SYNPO2L: variants seen among roughly 807,000 people sequenced by gnomAD.
SYNPO2L encodes synaptopodin 2-like protein.
SYNPO2L carries 34 observed loss-of-function variants against 47.5 expected under a neutral mutation model. The observed-to-expected ratio is 0.72, with a 90% CI of 0.54 to 0.95. The LOEUF is 0.95. Among genes scored for constraint, SYNPO2L ranks in the 40% least tolerant of loss-of-function variants. The pLI, the probability that SYNPO2L is intolerant of heterozygous loss-of-function variation, is 0.00. For synonymous variants in SYNPO2L, 536 were observed against 524.9 expected (o/e 1.02, Z -0.29); for missense variants, 1,246 against 1,282.0 (o/e 0.97, Z 0.43).
In SYNPO2L at chr10:73,646,633, C is replaced by T. The variant is rs376406191; in HGVS notation, c.*85G>A. 5.9e-6 allele frequency: 8 copies of T among 1,350,800 alleles called. No homozygotes were observed. Among genetic ancestry groups the T allele is most frequent in the Non-Finnish European group, 6.7e-6 (7 of 1,044,434 alleles). The allele number at this position is 1,350,800 out of a possible 1,614,324, so 83.7% of individuals were successfully genotyped here. A position where few individuals can be genotyped will look rare whatever the true frequency, so the allele number is the denominator to read the frequency against. On this transcript the variant is annotated 3_prime_UTR_variant, in exon 4 of 4. Coordinates refer to ENST00000394810, the MANE Select transcript of SYNPO2L (RefSeq NM_001114133.3). Reference sequence around the variant, plus strand: ...CAGGAGGCAATTTAGCTTCCAGATGCGTGACAGGGGATGGGATAGGGTAGG... The same window carrying T: ...CAGGAGGCAATTTAGCTTCCAGATGTGTGACAGGGGATGGGATAGGGTAGG...
In SYNPO2L at chr10:73,655,855, C is replaced by G. The variant is rs750893658; in HGVS notation, c.68G>C (p.Gly23Ala). Residue 23 changes from glycine to alanine, a missense_variant, in exon 1 of 4, where the codon GGG (glycine) becomes GCG (alanine). By Grantham distance (60) the Gly-to-Ala change is moderately conservative. This residue lies in a region of SYNPO2L where 61 missense variants were observed against 55.6 expected (regional missense o/e 1.10). Coordinates refer to ENST00000394810, the MANE Select transcript of SYNPO2L (RefSeq NM_001114133.3). ...GGAPWGFRLH[G>A]GAEQRKPLQV... is the part of the protein sequence containing the mutation. The stretch of plus-strand genomic sequence containing the variant: ...TAACGGTTTCCTCTGCTCGGCCCCC[C>G]CATGAAGTCGGAAGCCCCAGGGGGC... 1.9e-6 allele frequency: 3 copies of G among 1,551,320 alleles called. No homozygotes were observed. Among genetic ancestry groups the G allele is most frequent in the East Asian group, 2.4e-5 (1 of 40,886 alleles).
At chr10:73,650,640 A>C (rs1195912230) in intron 3 of SYNPO2L, 18 of 936,272 alleles carry the variant, frequency 1.9e-5, no homozygotes, top group Non-Finnish European at 2.2e-5. Context: ...CATGACTCAC[A>C]CATACATGCC....
chr10:73,649,743 A>G, intron 3 of SYNPO2L: 1 of 985,390 alleles, frequency 1.0e-6, no homozygotes, highest in South Asian at 4.7e-5. Context: ...TTTAGACAGA[A>G]GTTAAAGTTG....
At position 73,645,758 on chromosome 10, in the gene SYNPO2L, A is replaced by C. The variant is rs374112958; in HGVS notation, c.*960T>G. ...ATTCTCTAGTGAATCTCTTTCTCCC[A>C]CTCAACTCCATGTGGGGATATCTGA... On this transcript the variant is annotated 3_prime_UTR_variant, in exon 4 of 4. Coordinates refer to ENST00000394810, the MANE Select transcript of SYNPO2L (RefSeq NM_001114133.3). The C allele has an allele frequency of 7.1e-6, 7 of 985,560 alleles. No homozygotes were observed. The African/African-American group carries it at 8.7e-5, about 12-fold the overall frequency. 61.1% of individuals were successfully genotyped at this position (985,560 alleles called of 1,614,324 possible). A position where few individuals can be genotyped will look rare whatever the true frequency, so the allele number is the denominator to read the frequency against.
chr10:73,650,842 C>T, intron 3 of SYNPO2L: 1 of 1,477,700 alleles, frequency 6.8e-7, no homozygotes, highest in Non-Finnish European at 9.0e-7. Flanking sequence ...ACTACCCTTC[C>T]TAAACTATTG....
Position 73,646,620 on chromosome 10 carries a change from T to C in SYNPO2L, c.*98A>G, listed in dbSNP as rs867419711. On this transcript the variant is annotated 3_prime_UTR_variant, in exon 4 of 4. Transcript: ENST00000394810. Reference sequence around the variant, plus strand: ...AAACCATCTCTGGCAGGAGGCAATTTAGCTTCCAGATGCGTGACAGGGGAT... The same window carrying C: ...AAACCATCTCTGGCAGGAGGCAATTCAGCTTCCAGATGCGTGACAGGGGAT... The C allele has an allele frequency of 3.0e-6, 4 of 1,344,956 alleles. No homozygotes were observed. The South Asian group carries it at 8.4e-5, about 28-fold the overall frequency. 83.3% of individuals were successfully genotyped at this position (1,344,956 alleles called of 1,614,324 possible).
intron 3 of SYNPO2L, chr10:73,650,099 C>T (rs1011773086): frequency 1.7e-5 from 17 of 985,366 alleles, no homozygotes; most frequent in Non-Finnish European, 1.9e-5. Flanking sequence ...AATGGGAGGG[C>T]TACCCTGCTG....
At chr10:73,649,358 G>A (rs1015286705) in intron 3 of SYNPO2L, among the ~76,000 whole-genome samples, 7 of 152,050 alleles carry the variant, frequency 4.6e-5, no homozygotes, top group African/African-American at 1.7e-4. Flanking sequence ...TGAAGCTTAG[G>A]ACTCATCCTC....
Position 73,647,274 on chromosome 10 carries a change from G to C in SYNPO2L, c.2378C>G (p.Pro793Arg). Reference protein sequence around the residue: ...GPRPRSPSPTPSLPPSWKYSP... With the variant: ...GPRPRSPSPTRSLPPSWKYSP... ...ATATTTCCAGGAAGGGGGCAGAGAC[G>C]GGGTAGGAGAAGGACTTCTAGGCCG... The change falls in exon 4 of 4, where the codon CCG (proline) becomes CGG (arginine). Residue 793 changes from proline (P) to arginine (R), a missense_variant. Around this residue, in one of 3 missense-constraint regions of SYNPO2L, gnomAD observed 1,037 missense variants for 1,021.5 expected, o/e 1.02. Coordinates refer to ENST00000394810, the MANE Select transcript of SYNPO2L (RefSeq NM_001114133.3). The C allele has an allele frequency of 1.9e-6, 3 of 1,614,074 alleles. No individual in the cohort carries two copies. The highest frequency in any genetic ancestry group is 2.2e-5 in the South Asian group (2 of 91,080).
rs1589452161 is a variant in SYNPO2L, at chr10:73,648,027, C to G, written c.1625G>C (p.Gly542Ala). The G allele has an allele frequency of 6.3e-7, 1 of 1,589,130 alleles. No individual in the cohort carries two copies. Among genetic ancestry groups the G allele is most frequent in the Non-Finnish European group, 8.6e-7 (1 of 1,168,434 alleles). ...CAGGGAGCTGGTGGCTGTCACAGGG[C>G]CCGAGGAGCGTGGGGTGCTGGGGGA... is the stretch of plus-strand genomic sequence containing the variant. ...SGSPSTPRSS[G>A]PVTATSSLYI... Residue 542 changes from glycine (G) to alanine (A), a missense_variant, in exon 4 of 4, where the codon GGC (glycine) becomes GCC (alanine). Around this residue, in one of 3 missense-constraint regions of SYNPO2L, gnomAD observed 1,037 missense variants for 1,021.5 expected, o/e 1.02. Transcript: ENST00000394810.
At position 73,655,995 on chromosome 10, in the gene SYNPO2L, G is replaced by T; in HGVS notation, c.-73C>A. 1 of 1,319,356 alleles carries T rather than the reference G, an allele frequency of 7.6e-7. No homozygotes were observed. Among genetic ancestry groups the T allele is most frequent in the Non-Finnish European group, 1.0e-6 (1 of 964,950 alleles). 81.7% of individuals were successfully genotyped at this position (1,319,356 alleles called of 1,614,324 possible). On this transcript the variant is annotated 5_prime_UTR_variant, in exon 1 of 4. Transcript: ENST00000394810. ...AGAGAAGTTGAGGTGCTCGAACCCC[G>T]TCTGGGCTTCCTGTCCGGCTGTCCT... is the stretch of plus-strand genomic sequence containing the variant.
In SYNPO2L at chr10:73,648,676, C is replaced by G. The variant is rs747524519; in HGVS notation, c.976G>C (p.Gly326Arg). The stretch of plus-strand genomic sequence containing the variant: ...TCGGACTCACTCGTGGGGGGAACGC[C>G]GTCCTCCTCCTCAGCGCCTGTCCCA... ...AAGTGAEEED[G>R]VPPTSESELD... The change falls in exon 4 of 4, where the codon GGC becomes CGC. Residue 326 changes from glycine to arginine, a missense_variant. By Grantham distance (125) the Gly-to-Arg change is moderately radical. Coordinates refer to ENST00000394810, the MANE Select transcript of SYNPO2L (RefSeq NM_001114133.3). 6.2e-7 allele frequency: 1 copy of G among 1,610,014 alleles called. No homozygotes were observed. Among genetic ancestry groups the G allele is most frequent in the Admixed American group, 1.7e-5 (1 of 59,926 alleles).
At chr10:73,650,792 G>T (rs892923743) in intron 3 of SYNPO2L, 37 of 1,357,134 alleles carry the variant, frequency 2.7e-5, no homozygotes, top group Non-Finnish European at 3.5e-5. Flanking sequence ...GGAGGAAGAG[G>T]ACAGCAAAAA....
rs778780364 is a variant in SYNPO2L, at chr10:73,647,448, A to G, written c.2204T>C (p.Leu735Pro). Reference sequence around the variant, plus strand: ...GGCTGCCCCATTCACGAGCCCATCAAGGAGCCCTCGAGATGGGGGCTTAGG... The same window carrying G: ...GGCTGCCCCATTCACGAGCCCATCAGGGAGCCCTCGAGATGGGGGCTTAGG... The part of the protein sequence containing the change: ...VAPKPPSRGL[L>P]DGLVNGAASS... Residue 735 changes from leucine (L) to proline (P), a missense_variant, in exon 4 of 4, where the codon CTT becomes CCT. Physicochemically the swap from Leu to Pro is moderately conservative, Grantham distance 98 (BLOSUM62 -3). This residue lies in a region of SYNPO2L where 1,037 missense variants were observed against 1,021.5 expected (regional missense o/e 1.02). Coordinates refer to ENST00000394810, the MANE Select transcript of SYNPO2L (RefSeq NM_001114133.3). The G allele has an allele frequency of 1.2e-6, 2 of 1,605,426 alleles. No individual in the cohort carries two copies. Among genetic ancestry groups the G allele is most frequent in the Admixed American group, 1.7e-5 (1 of 59,560 alleles).
chr10:73,654,230 C>A lies in SYNPO2L; in HGVS notation c.156G>T (p.Gln52His). Residue 52 changes from glutamine to histidine, a missense_variant, in exon 2 of 4, where the codon CAG becomes CAT. Gln to His is a conservative substitution (Grantham distance 24). Around this residue, in one of 3 missense-constraint regions of SYNPO2L, gnomAD observed 148 missense variants for 204.8 expected, o/e 0.72. Transcript: ENST00000394810. ...AGRAGLRERD[Q>H]LLAINGVSCT... Reference sequence around the variant, plus strand: ...AAGAGACCCCATTGATTGCCAAGAGCTGGTCCCTCTCTCGGAGTCCTGCTC... The same window carrying A: ...AAGAGACCCCATTGATTGCCAAGAGATGGTCCCTCTCTCGGAGTCCTGCTC... 1 of 1,551,680 alleles carries A rather than the reference C, an allele frequency of 6.4e-7. No homozygotes were observed. The highest frequency in any genetic ancestry group is 8.7e-7 in the Non-Finnish European group (1 of 1,146,980).
chr10:73,646,961 G>A lies in SYNPO2L; in HGVS notation c.2691C>T (p.Pro897=). The change falls in exon 4 of 4, where the codon CCC becomes CCT. Residue 897 remains proline, a synonymous_variant. Transcript: ENST00000394810. ...IRRFSTPAPQ[P]TAEPLAPTVL... is the part of the protein sequence containing the mutation. ...CAGTGGGAGCCAGGGGTTCTGCAGTGGGCTGGGGTGCCGGAGTGGAAAACC... is the reference window on the plus strand; with the variant it reads ...CAGTGGGAGCCAGGGGTTCTGCAGTAGGCTGGGGTGCCGGAGTGGAAAACC... The A allele has an allele frequency of 6.2e-7, 1 of 1,610,004 alleles. No individual in the cohort carries two copies. Among genetic ancestry groups the A allele is most frequent in the South Asian group, 1.1e-5 (1 of 90,452 alleles).
At position 73,648,327 on chromosome 10, in the gene SYNPO2L, G is replaced by T. The variant is rs552850581; in HGVS notation, c.1325C>A (p.Ala442Glu). 6.2e-7 allele frequency: 1 copy of T among 1,604,556 alleles called. No individual in the cohort carries two copies. Residue 442 changes from alanine to glutamate, a missense_variant, in exon 4 of 4, where the codon GCG becomes GAG. Ala to Glu is a moderately radical substitution (Grantham distance 107). Transcript: ENST00000394810. ...GAAGGGTCTGGGGCTGGCTACAGGC[G>T]CCGGCAAGGGGCTGGGTGGGAGCAC... ...AAVLPPSPLP[A>E]PVASPRPFQP...
rs1220932227 is a variant in SYNPO2L at position 73,647,279 on chromosome 10, A to G, written c.2373T>C (p.Pro791=). Residue 791 remains proline, a synonymous_variant, in exon 4 of 4, where the codon CCT becomes CCC. Coordinates refer to ENST00000394810, the MANE Select transcript of SYNPO2L (RefSeq NM_001114133.3). ...GLGPRPRSPS[P]TPSLPPSWKY... ...TCCAGGAAGGGGGCAGAGACGGGGT[A>G]GGAGAAGGACTTCTAGGCCGAGGGC... The G allele has an allele frequency of 1.2e-6, 2 of 1,613,944 alleles. No individual in the cohort carries two copies. Among genetic ancestry groups the G allele is most frequent in the Non-Finnish European group, 1.7e-6 (2 of 1,179,992 alleles).
At chr10:73,651,540 G>A (rs887699112) in intron 3 of SYNPO2L, among the ~76,000 whole-genome samples, 3 of 152,140 alleles carry the variant, frequency 2.0e-5, no homozygotes, top group Non-Finnish European at 2.9e-5. Flanking sequence ...GGGAAAGCAC[G>A]GGAGGCATAG....
Sources: gnomAD v4.1 joint callset for allele counts (sites outside exome capture counted in the v4.1 genomes callset) on GRCh38, gnomAD v4.1.1 for gene constraint, gnomAD v4.1.1 regional missense constraint, MANE v1.5 for transcripts, NCBI Gene and HGNC (gene_info 2026-07-23, HGNC 2026-07-21) for gene names.